Variants in TSPAN9 observed in about 807,000 individuals in gnomAD.
TSPAN9 encodes tetraspanin-9.
Under a neutral mutation model 31.0 loss-of-function variants are expected in TSPAN9, and 16 were observed. The ratio of observed to expected loss-of-function variants is 0.52; its 90% CI spans 0.35 to 0.78. The LOEUF is 0.78. Ranked by LOEUF, TSPAN9 falls within the 30% of genes least tolerant of loss-of-function variation. The probability of loss-of-function intolerance (pLI) is 0.01; values close to 1 mark genes in which losing one functional copy is unlikely to be tolerated. For missense variants in TSPAN9, 272 were observed against 312.5 expected, an observed-to-expected ratio of 0.87 and a Z score of 0.98; for synonymous variants, 145 against 121.6, an observed-to-expected ratio of 1.19 and a Z score of -1.27.
chr12:3,258,041 G>A (rs567574763), intron 3 of TSPAN9, among the ~76,000 whole-genome samples: 23 of 152,290 alleles, frequency 1.5e-4, no homozygotes, highest in Non-Finnish European at 2.8e-4. Context: ...TAAACCTGGG[G>A]TCAGCTCATG....
chr12:3,264,599 G>A (rs1203604086), intron 3 of TSPAN9, among the ~76,000 whole-genome samples: 1 of 152,198 alleles, frequency 6.6e-6, no homozygotes, highest in Non-Finnish European at 1.5e-5. Context: ...TCTGTGTGCC[G>A]GCTGGGGCCG....
intron 3 of TSPAN9, among the ~76,000 whole-genome samples, chr12:3,243,089 A>G (rs1053358576): frequency 6.6e-5 from 10 of 152,210 alleles, no homozygotes; most frequent in African/African-American, 2.4e-4. Flanking sequence ...AGATGCCATC[A>G]ATGGACCTTA....
chr12:3,235,249 T>A (rs1208609016), intron 3 of TSPAN9, among the ~76,000 whole-genome samples: 2 of 58,498 alleles, frequency 3.4e-5, no homozygotes, highest in Non-Finnish European at 5.9e-5. Flanking sequence ...TATATATATA[T>A]ATATATATAT....
intron 2 of TSPAN9, among the ~76,000 whole-genome samples, chr12:3,177,472 G>A (rs2098356408): frequency 6.6e-6 from 1 of 152,042 alleles, no homozygotes; most frequent in Admixed American, 6.6e-5. Flanking sequence ...TCGCTCTGTT[G>A]CCCAGGCTGG....
intron 2 of TSPAN9, among the ~76,000 whole-genome samples, chr12:3,139,452 G>A (rs1403786862): frequency 6.6e-6 from 1 of 152,202 alleles, no homozygotes; most frequent in Non-Finnish European, 1.5e-5. Flanking sequence ...GCCAGCCTGG[G>A]GATGGTGGGA....
At chr12:3,269,247 C>CCT (rs748610908) in intron 3 of TSPAN9, among the ~76,000 whole-genome samples, 3 of 22,372 alleles carry the variant, frequency 1.3e-4, no homozygotes, top group African/African-American at 3.3e-4. Flanking sequence ...TGCAGCCTGC[C>CCT]CTGTGTTCCT....
intron 2 of TSPAN9, among the ~76,000 whole-genome samples, chr12:3,165,230 C>A (rs2098347676): frequency 6.6e-6 from 1 of 152,098 alleles, no homozygotes; most frequent in Non-Finnish European, 1.5e-5. Flanking sequence ...GGTCTTTGGA[C>A]CTGAGTCCTC....
intron 2 of TSPAN9, among the ~76,000 whole-genome samples, chr12:3,126,581 A>T (rs1419564899): frequency 6.6e-6 from 1 of 152,238 alleles, no homozygotes; most frequent in Non-Finnish European, 1.5e-5. Flanking sequence ...TTGCACTGCT[A>T]TAAAGAAATA....
At position 3,168,730 on chromosome 12, in the gene TSPAN9, C is replaced by T. The variant is rs988931429; in HGVS notation, c.-17-32447C>T. On this transcript the variant is annotated intron_variant, in intron 2 of 8. Transcript: ENST00000011898. This position sits in a 1 kb window ranked among gnomAD's most constrained non-coding sequence, Gnocchi z 4.0. ...GATAAATCTTAATTCTCTTCCCAGA[C>T]CAGGTCCTGTCTCTCTGGGAAGCTG... Among the ~76,000 whole-genome samples the T allele has an allele frequency of 4.6e-5, 7 of 152,172 alleles. No homozygotes were observed. The highest frequency in any genetic ancestry group is 1.7e-4 in the African/African-American group (7 of 41,446).
At chr12:3,154,675 A>T (rs1399994963) in intron 2 of TSPAN9, among the ~76,000 whole-genome samples, 2 of 152,234 alleles carry the variant, frequency 1.3e-5, no homozygotes, top group East Asian at 3.8e-4. Context: ...GCACATGTTC[A>T]GCCGTGCAAA....
At chr12:3,191,597 C>T (rs1477879491) in intron 2 of TSPAN9, among the ~76,000 whole-genome samples, 1 of 152,162 alleles carries the variant, frequency 6.6e-6, no homozygotes, top group Admixed American at 6.5e-5. Context: ...TGATCAGACA[C>T]CTGGAAAGCC....
At chr12:3,202,470 A>G (rs1360343396) in intron 3 of TSPAN9, among the ~76,000 whole-genome samples, 1 of 152,204 alleles carries the variant, frequency 6.6e-6, no homozygotes, top group Non-Finnish European at 1.5e-5. Flanking sequence ...TTCCCATAGA[A>G]TGACAAGCGC....
intron 2 of TSPAN9, among the ~76,000 whole-genome samples, chr12:3,179,170 T>C (rs28661709): frequency 0.041 from 6,209 of 152,148 alleles, 409 homozygotes; most frequent in African/African-American, 0.14. Context: ...AACCCCACAC[T>C]CATCATCCTG....
intron 2 of TSPAN9, among the ~76,000 whole-genome samples, chr12:3,111,511 G>T (rs1400317265): frequency 1.3e-5 from 2 of 151,728 alleles, no homozygotes; most frequent in Admixed American, 6.6e-5. Flanking sequence ...GATTAAATGA[G>T]ATATGTATTT....
At chr12:3,081,239 T>G (rs1324257066) in intron 1 of TSPAN9, among the ~76,000 whole-genome samples, 1 of 152,130 alleles carries the variant, frequency 6.6e-6, no homozygotes, top group Non-Finnish European at 1.5e-5. Context: ...AGGACAAGAC[T>G]TCTTTTCTCT....
chr12:3,279,130 G>C, intron 5 of TSPAN9, 64 bp downstream of exon 5: 2 of 1,487,782 alleles, frequency 1.3e-6, no homozygotes, highest in Non-Finnish European at 1.9e-6. Context: ...GGGCCAAGCA[G>C]GCCAGGGTCC....
chr12:3,262,426 A>C (rs186300284), intron 3 of TSPAN9, among the ~76,000 whole-genome samples: 2 of 149,198 alleles, frequency 1.3e-5, no homozygotes, highest in Non-Finnish European at 3.0e-5. Flanking sequence ...TATTCCTCGG[A>C]TCTCATATGA....
chr12:3,229,948 C>T (rs1303094634), intron 3 of TSPAN9, among the ~76,000 whole-genome samples: 1 of 152,216 alleles, frequency 6.6e-6, no homozygotes, highest in East Asian at 1.9e-4. Context: ...ACATTTGCCT[C>T]TTAAGCCCTG....
intron 2 of TSPAN9, among the ~76,000 whole-genome samples, chr12:3,174,953 G>A (rs190569360): frequency 1.3e-5 from 2 of 152,316 alleles, no homozygotes; most frequent in East Asian, 3.9e-4. Flanking sequence ...AAGGCCGCCC[G>A]GACCTTACAC....
Sources: gnomAD v4.1 joint callset for allele counts (sites outside exome capture counted in the v4.1 genomes callset) on GRCh38, gnomAD v4.1.1 for gene constraint, Gnocchi (gnomAD v3.1) non-coding constraint, MANE v1.5 for transcripts, NCBI Gene and HGNC (gene_info 2026-07-23, HGNC 2026-07-21) for gene names.